Variants in FAM184B observed in about 807,000 individuals in gnomAD.
The protein encoded by FAM184B is protein FAM184B.
FAM184B carries 111 observed loss-of-function variants against 135.9 expected under a neutral mutation model. The observed-to-expected ratio is 0.82, with a 90% CI of 0.70 to 0.96. FAM184B has a LOEUF of 0.96. FAM184B is among the 40% of genes least tolerant of loss of function. FAM184B has a pLI of 0.00. For missense variants in FAM184B, 1,375 were observed against 1,323.9 expected, an observed-to-expected ratio of 1.04 and a Z score of -0.60; for synonymous variants, 552 against 524.8, an observed-to-expected ratio of 1.05 and a Z score of -0.71.
intron 7 of FAM184B, among the ~76,000 whole-genome samples, chr4:17,667,675 G>A (rs1716087625): frequency 6.6e-6 from 1 of 152,194 alleles, no homozygotes; most frequent in African/African-American, 2.4e-5. Context: ...AGTTAACTCT[G>A]CTAAGCCAGA....
At chr4:17,721,382 T>TAAAAAAAAAAAAAAAAAA (rs1717522850) in intron 1 of FAM184B, among the ~76,000 whole-genome samples, 1 of 3,628 alleles carries the variant, frequency 2.8e-4, no homozygotes, top group Non-Finnish European at 1.2e-3. Context: ...AGATTCTGTC[T>TAAAAAAAAAAAAAAAAAA]CAAAAAAAAA....
intron 1 of FAM184B, among the ~76,000 whole-genome samples, chr4:17,718,946 A>C (rs949137645): frequency 1.3e-5 from 2 of 152,264 alleles, no homozygotes; most frequent in Non-Finnish European, 2.9e-5. Flanking sequence ...AAAGCCAATT[A>C]GTATGTACAG....
At chr4:17,710,888 A>T (rs1226934598) in intron 1 of FAM184B, among the ~76,000 whole-genome samples, 2 of 152,198 alleles carry the variant, frequency 1.3e-5, no homozygotes, top group African/African-American at 2.4e-5. Context: ...GCCCCTGGAC[A>T]TACTAGTGGA....
At chr4:17,774,878 A>G (rs1247423411) in intron 1 of FAM184B, among the ~76,000 whole-genome samples, 3 of 152,062 alleles carry the variant, frequency 2.0e-5, no homozygotes, top group Non-Finnish European at 4.4e-5. Context: ...TTCTATTTCC[A>G]TATTCTGTTT....
intron 14 of FAM184B, among the ~76,000 whole-genome samples, chr4:17,638,136 T>C (rs1366101336): frequency 0.046 from 622 of 13,588 alleles, 17 homozygotes; most frequent in African/African-American, 0.22. Flanking sequence ...ACTGTTTGCT[T>C]TTTTTTTTTT....
At chr4:17,715,547 G>A (rs1254945329) in intron 1 of FAM184B, among the ~76,000 whole-genome samples, 1 of 151,900 alleles carries the variant, frequency 6.6e-6, no homozygotes, top group Non-Finnish European at 1.5e-5. Context: ...TTCAATTAAA[G>A]GAATAAATTC....
intron 14 of FAM184B, 28 bp from the exon 15 acceptor site, chr4:17,636,673 C>G (rs1577240031): frequency 2.0e-6 from 3 of 1,501,482 alleles, no homozygotes; most frequent in African/African-American, 2.8e-5. Context: ...GCAGTCAAGT[C>G]CCCCTTACAG....
At chr4:17,721,003 C>G (rs1289191980) in intron 1 of FAM184B, among the ~76,000 whole-genome samples, 1 of 151,690 alleles carries the variant, frequency 6.6e-6, no homozygotes, top group African/African-American at 2.4e-5. Flanking sequence ...AAATTACATG[C>G]AGGTGAAAAA....
chr4:17,760,485 A>AAAAC (rs529578671), intron 1 of FAM184B, among the ~76,000 whole-genome samples: 2 of 151,874 alleles, frequency 1.3e-5, no homozygotes, highest in South Asian at 2.1e-4. Context: ...AAAAAAAACA[A>AAAAC]AAACAAACAA....
chr4:17,761,091 GAATT>G (rs1718535150), intron 1 of FAM184B, among the ~76,000 whole-genome samples: 1 of 152,178 alleles, frequency 6.6e-6, no homozygotes, highest in African/African-American at 2.4e-5. Context: ...ATGCAGCAAA[GAATT>G]ATTTGGCCCA....
intron 16 of FAM184B, among the ~76,000 whole-genome samples, chr4:17,634,562 G>A (rs967251827): frequency 6.6e-6 from 1 of 152,128 alleles, no homozygotes; most frequent in Non-Finnish European, 1.5e-5. Context: ...GACCTCAAGT[G>A]ATCCACCCAC....
At chr4:17,638,134 C>CTTTTTTTTTTTTTTTTT (rs56926847) in intron 14 of FAM184B, among the ~76,000 whole-genome samples, 12 of 73,408 alleles carry the variant, frequency 1.6e-4, no homozygotes, top group East Asian at 4.3e-4. Context: ...TAACTGTTTG[C>CTTTTTTTTTTTTTTTTT]TTTTTTTTTT....
chr4:17,705,889 C>T lies in FAM184B; in HGVS notation c.1033G>A (p.Ala345Thr). The stretch of plus-strand genomic sequence containing the variant: ...TCTGAAACTAACTCAGTCTTCATGG[C>T]ATCTGCAAGCATACATTTCAGCATT... ...QECRGTQQTD[A>T]MKTELVSENK... is the part of the protein sequence containing the mutation. The change falls in exon 4 of 18, where the codon GCC becomes ACC. Residue 345 changes from alanine (A) to threonine (T), a missense_variant and splice_region_variant. Coordinates refer to ENST00000265018, the MANE Select transcript of FAM184B (RefSeq NM_015688.2). The T allele has an allele frequency of 6.4e-7, 1 of 1,552,234 alleles. No individual in the cohort carries two copies. Among genetic ancestry groups the T allele is most frequent in the Non-Finnish European group, 8.7e-7 (1 of 1,147,122 alleles).
At chr4:17,638,520 C>T (rs77612151) in intron 14 of FAM184B, among the ~76,000 whole-genome samples, 1 of 152,148 alleles carries the variant, frequency 6.6e-6, no homozygotes, top group African/African-American at 2.4e-5. Context: ...TATTTCTTAT[C>T]CGAATTCTCA....
chr4:17,632,507 T>G lies in FAM184B; in HGVS notation c.*25A>C, dbSNP rs1714983910. The G allele has an allele frequency of 6.7e-7, 1 of 1,503,226 alleles. No individual in the cohort carries two copies. The highest frequency in any genetic ancestry group is 1.4e-5 in the African/African-American group (1 of 71,904). 93.1% of individuals were successfully genotyped at this position (1,503,226 alleles called of 1,614,324 possible). ...TAAAATAAATGTTTTTCAAGTATCC[T>G]CTGTGATGTATCCCAAAGGTTAGCT... On this transcript the variant is annotated 3_prime_UTR_variant, in exon 18 of 18. Coordinates refer to ENST00000265018, the MANE Select transcript of FAM184B (RefSeq NM_015688.2).
At chr4:17,725,784 G>A (rs536750270) in intron 1 of FAM184B, among the ~76,000 whole-genome samples, 6 of 152,260 alleles carry the variant, frequency 3.9e-5, no homozygotes, top group African/African-American at 9.6e-5. Flanking sequence ...AAAAAGAAAG[G>A]CCCAGGGGTT....
intron 7 of FAM184B, among the ~76,000 whole-genome samples, chr4:17,680,962 T>C (rs1716421075): frequency 1.3e-5 from 2 of 152,318 alleles, no homozygotes; most frequent in Admixed American, 6.5e-5. Flanking sequence ...CATCTTAAAA[T>C]AGAACACCGA....
intron 5 of FAM184B, among the ~76,000 whole-genome samples, chr4:17,695,564 A>G (rs11947836): frequency 0.34 from 51,313 of 151,890 alleles, 9,154 homozygotes; most frequent in South Asian, 0.4. Context: ...GTGGTAACTG[A>G]GGTAAGAGTG....
intron 1 of FAM184B, among the ~76,000 whole-genome samples, chr4:17,762,309 T>C (rs1305872611): frequency 6.6e-6 from 1 of 152,212 alleles, no homozygotes; most frequent in Non-Finnish European, 1.5e-5. Context: ...CTCACAAGAA[T>C]GCCACGTAAC....
Sources: allele counts gnomAD v4.1 joint callset (sites outside exome capture counted in the v4.1 genomes callset), GRCh38; gene constraint gnomAD v4.1.1; transcripts MANE v1.5; gene names NCBI Gene and HGNC (gene_info 2026-07-23, HGNC 2026-07-21).